SEPTIN4: variants seen among roughly 807,000 people sequenced by gnomAD.
SEPTIN4 encodes septin-4.
SEPTIN4 carries 52 observed loss-of-function variants against 107.1 expected under a neutral mutation model. That is an observed-to-expected ratio of 0.49 (90% CI 0.39 to 0.61). The LOEUF (loss-of-function observed/expected upper bound fraction) is 0.61. SEPTIN4 is among the 20% of genes least tolerant of loss of function. SEPTIN4 has a pLI of 0.00. For missense variants in SEPTIN4, 1,048 were observed against 1,243.5 expected, an observed-to-expected ratio of 0.84 and a Z score of 2.36; for synonymous variants, 417 against 467.0, an observed-to-expected ratio of 0.89 and a Z score of 1.38.
Position 58,542,762 on chromosome 17 carries a change from G to A in SEPTIN4, c.1425C>T (p.Phe475=), listed in dbSNP as rs1466905193. The A allele has an allele frequency of 1.2e-6, 2 of 1,614,028 alleles. No homozygotes were observed. Among genetic ancestry groups the A allele is most frequent in the Admixed American group, 1.7e-5 (1 of 59,994 alleles). The change falls in exon 1 of 14, where the codon TTC becomes TTT. Residue 475 remains phenylalanine (F), a synonymous_variant. Transcript: ENST00000672673. Reference sequence around the variant, plus strand: ...GTGATAGGCTTGCCTTCTCTCTCTGGAACTTCAGATCCTCACAGAAAGGGC... The same window carrying A: ...GTGATAGGCTTGCCTTCTCTCTCTGAAACTTCAGATCCTCACAGAAAGGGC... ...DSSPFCEDLK[F]QREKASLSPP...
In SEPTIN4 at chr17:58,525,092, G is replaced by A. The variant is rs1296874103; in HGVS notation, c.2202C>T (p.Val734=). The part of the protein sequence containing the change: ...IVDTPGFGDA[V]NNTECWKPVA... ...CTCAGACATACCACTCTGTGTTGTT[G>A]ACTGCATCCCCAAAACCTGGTGTGT... Residue 734 remains valine, a synonymous_variant, in exon 7 of 14, where the codon GTC becomes GTT. Transcript: ENST00000672673. 1.9e-5 allele frequency: 31 copies of A among 1,614,044 alleles called. No individual in the cohort carries two copies. Among genetic ancestry groups the A allele is most frequent in the African/African-American group, 2.7e-5 (2 of 74,922 alleles).
Position 58,521,522 on chromosome 17 carries a change from G to A in SEPTIN4, c.2571+23C>T. 1 of 1,608,430 alleles carries A rather than the reference G, an allele frequency of 6.2e-7. No homozygotes were observed. On this transcript the variant is annotated intron_variant, in intron 10 of 13. Transcript: ENST00000672673. This position sits in a 1 kb window ranked among gnomAD's most constrained non-coding sequence, Gnocchi z 6.4. ...TACCCGGAAGAAATAAGATAGGAAT[G>A]GGATGCCCTAGAGTGGCCCCACCTT... is the stretch of plus-strand genomic sequence containing the variant.
chr17:58,529,049 C>T, intron 3 of SEPTIN4: 5 of 1,590,834 alleles, frequency 3.1e-6, no homozygotes, highest in Non-Finnish European at 4.3e-6. Flanking sequence ...GACTTTGAGC[C>T]CCAATCCCAG....
intron 3 of SEPTIN4, among the ~76,000 whole-genome samples, chr17:58,537,100 A>T (rs532814483): frequency 6.6e-6 from 1 of 152,324 alleles, no homozygotes; most frequent in African/African-American, 2.4e-5. Context: ...CAAAACAAAG[A>T]ACTAAGGGAG....
In SEPTIN4 at chr17:58,520,720, C is replaced by T. The variant is rs945848023; in HGVS notation, c.2931+23G>A. On this transcript the variant is annotated intron_variant, in intron 13 of 13. Transcript: ENST00000672673. ...GTTGGTGATCAAACAGGAGACCTCCCCTATACCCCATACTGCTCTCACCTC... is the reference window on the plus strand; with the variant it reads ...GTTGGTGATCAAACAGGAGACCTCCTCTATACCCCATACTGCTCTCACCTC... The T allele has an allele frequency of 3.7e-6, 6 of 1,613,678 alleles. No homozygotes were observed. In the African/African-American group the frequency reaches 8.0e-5, roughly 22 times the overall value.
Position 58,526,788 on chromosome 17 carries a change from G to T in SEPTIN4, c.1805C>A (p.Pro602His). 1 of 1,613,790 alleles carries T rather than the reference G, an allele frequency of 6.2e-7. No individual in the cohort carries two copies. Among genetic ancestry groups the T allele is most frequent in the Non-Finnish European group, 8.5e-7 (1 of 1,179,918 alleles). Residue 602 changes from proline to histidine, a missense_variant, in exon 4 of 14, where the codon CCC (proline) becomes CAC (histidine). Pro to His is a moderately conservative substitution (Grantham distance 77, BLOSUM62 -2). Coordinates refer to ENST00000672673, the MANE Select transcript of SEPTIN4 (RefSeq NM_001368771.2). Reference protein sequence around the residue: ...DDLEFRPPSRPQSSDNQQYFC... With the variant: ...DDLEFRPPSRHQSSDNQQYFC... Reference sequence around the variant, plus strand: ...GTACTGCTGGTTGTCAGAGGACTGGGGCCGCGAGGGGGGTCTGAACTCCAG... The same window carrying T: ...GTACTGCTGGTTGTCAGAGGACTGGTGCCGCGAGGGGGGTCTGAACTCCAG...
intron 3 of SEPTIN4, among the ~76,000 whole-genome samples, chr17:58,540,048 G>A (rs1259155534): frequency 6.6e-6 from 1 of 152,192 alleles, no homozygotes; most frequent in African/African-American, 2.4e-5. Flanking sequence ...TAGGCTTTGG[G>A]TAATAGAGAA....
chr17:58,525,531 G>C (rs2042755036), intron 6 of SEPTIN4, 164 bp downstream of exon 6: 5 of 649,408 alleles, frequency 7.7e-6, no homozygotes, highest in Admixed American at 2.7e-5. Flanking sequence ...TCTTTAGGGA[G>C]CTGGCTGGTG....
chr17:58,543,792 C>A lies in SEPTIN4; in HGVS notation c.395G>T (p.Arg132Leu). 6.2e-7 allele frequency: 1 copy of A among 1,614,182 alleles called. No homozygotes were observed. Among genetic ancestry groups the A allele is most frequent in the African/African-American group, 1.3e-5 (1 of 75,038 alleles). ...KVSPPREEAA[R>L]RGSESKSGRE... ...CCCTGACTTGCTCTCACTGCCTCTT[C>A]GTGCTGCTTCCTCTCTGGGTGGACT... The change falls in exon 1 of 14, where the codon CGA becomes CTA. Residue 132 changes from arginine (R) to leucine (L), a missense_variant. This residue lies in a region of SEPTIN4 where 787 missense variants were observed against 871.8 expected (regional missense o/e 0.90). Transcript: ENST00000672673.
chr17:58,544,140 T>C lies in SEPTIN4; in HGVS notation c.47A>G (p.Gln16Arg). ...KPGAKVAVSAQRGSEVTTNTS... is the reference protein window; with the variant it reads ...KPGAKVAVSARRGSEVTTNTS... ...GTTAGTAGTAACCTCAGACCCTCTC[T>C]GTGCTGAAACCGCTACCTTGGCCCC... The change falls in exon 1 of 14, where the codon CAG becomes CGG. Residue 16 changes from glutamine to arginine, a missense_variant. Gln to Arg is a conservative substitution (Grantham distance 43, BLOSUM62 1). Around this residue, in one of 2 missense-constraint regions of SEPTIN4, gnomAD observed 787 missense variants for 871.8 expected, o/e 0.90. Coordinates refer to ENST00000672673, the MANE Select transcript of SEPTIN4 (RefSeq NM_001368771.2). The C allele has an allele frequency of 1.2e-6, 2 of 1,614,088 alleles. No individual in the cohort carries two copies. Among genetic ancestry groups the C allele is most frequent in the Non-Finnish European group, 1.7e-6 (2 of 1,179,972 alleles).
At chr17:58,530,556 G>C (rs1332616566) in intron 3 of SEPTIN4, 1 of 152,302 alleles carries the variant, frequency 6.6e-6, no homozygotes, top group South Asian at 2.1e-4. Context: ...GGTTGGGGTG[G>C]AGGGGGGTGT....
intron 3 of SEPTIN4, among the ~76,000 whole-genome samples, chr17:58,537,177 G>A (rs1257233525): frequency 2.0e-5 from 3 of 152,302 alleles, no homozygotes; most frequent in Non-Finnish European, 2.9e-5. Context: ...CATTTTATAG[G>A]CAGAGGGAGT....
chr17:58,539,866 AT>A (rs2043828800), intron 3 of SEPTIN4, among the ~76,000 whole-genome samples: 2 of 152,288 alleles, frequency 1.3e-5, no homozygotes, highest in Admixed American at 1.3e-4. Context: ...ATAAGGTTGG[AT>A]AAGAACCCAT....
Position 58,520,316 on chromosome 17 carries a change from TA to T in SEPTIN4, c.*109del. On this transcript the variant is annotated 3_prime_UTR_variant, in exon 14 of 14. Coordinates refer to ENST00000672673, the MANE Select transcript of SEPTIN4 (RefSeq NM_001368771.2). The stretch of plus-strand genomic sequence containing the variant: ...AGTCTCTGGGCAGTCAGCAGGGATG[TA>T]AGGCGAAGTGGCAGTAGCTGAAGGG... The T allele has an allele frequency of 1.1e-6, 1 of 944,988 alleles. No homozygotes were observed. The highest frequency in any genetic ancestry group is 1.7e-6 in the Non-Finnish European group (1 of 605,110). The allele number at this position is 944,988 out of a possible 1,614,324, so 58.5% of individuals were successfully genotyped here.
At chr17:58,522,430 CGGGT>C (rs1819325518) in intron 7 of SEPTIN4, among the ~76,000 whole-genome samples, 1 of 151,954 alleles carries the variant, frequency 6.6e-6, no homozygotes, top group South Asian at 2.1e-4. Context: ...GAGGCCGAGG[CGGGT>C]GGATCACTTA....
At position 58,526,953 on chromosome 17, in the gene SEPTIN4, G is replaced by C; in HGVS notation, c.1640C>G (p.Thr547Arg). ...GAACTTGCTCAGTTCTCCATCATCC[G>C]TGGTGTCCTCCAGGAAACGCTTGAT... ...EEIKRFLEDT[T>R]DDGELSKFVK... The change falls in exon 4 of 14, where the codon ACG becomes AGG. Residue 547 changes from threonine (T) to arginine (R), a missense_variant. Thr to Arg is a moderately conservative substitution (Grantham distance 71). This residue lies in a region of SEPTIN4 where 787 missense variants were observed against 871.8 expected (regional missense o/e 0.90). Coordinates refer to ENST00000672673, the MANE Select transcript of SEPTIN4 (RefSeq NM_001368771.2). 5.6e-6 allele frequency: 9 copies of C among 1,614,074 alleles called. No individual in the cohort carries two copies. The highest frequency in any genetic ancestry group is 7.6e-6 in the Non-Finnish European group (9 of 1,180,026).
chr17:58,523,880 A>G (rs946606419), intron 7 of SEPTIN4, among the ~76,000 whole-genome samples: 6 of 152,080 alleles, frequency 3.9e-5, no homozygotes, highest in Admixed American at 1.3e-4. Context: ...GTTCAAATCA[A>G]TTGGAGAGGT....
intron 6 of SEPTIN4, 52 bp downstream of exon 6, chr17:58,525,643 T>G: frequency 2.0e-6 from 3 of 1,507,518 alleles, no homozygotes; most frequent in Non-Finnish European, 2.8e-6. Flanking sequence ...GACTCTGGAG[T>G]GAGTTTAATT....
At chr17:58,541,577 G>T in intron 2 of SEPTIN4, 1 of 474,716 alleles carries the variant, frequency 2.1e-6, no homozygotes, top group South Asian at 3.0e-5. Context: ...TCAACTCTGA[G>T]CAAGACTGTG....
Sources: gnomAD v4.1 joint callset for allele counts (sites outside exome capture counted in the v4.1 genomes callset) on GRCh38, gnomAD v4.1.1 for gene constraint, gnomAD v4.1.1 regional missense constraint, Gnocchi (gnomAD v3.1) non-coding constraint, MANE v1.5 for transcripts, NCBI Gene and HGNC (gene_info 2026-07-23, HGNC 2026-07-21) for gene names.